ZNF704: variants seen among roughly 807,000 people sequenced by gnomAD.
ZNF704 encodes zinc finger protein 704, also known as glucocorticoid induced gene 1.
ZNF704 carries 10 observed loss-of-function variants against 44.7 expected under a neutral mutation model. The ratio of observed to expected loss-of-function variants is 0.22; its 90% CI spans 0.14 to 0.38. The LOEUF (loss-of-function observed/expected upper bound fraction) is 0.38, where lower values mean the gene tolerates loss of function less well. Ranked by LOEUF, ZNF704 falls within the 10% of genes least tolerant of loss-of-function variation. The probability of loss-of-function intolerance (pLI) is 1.00; values close to 1 mark genes in which losing one functional copy is unlikely to be tolerated. For missense variants in ZNF704, 390 were observed against 545.5 expected (o/e 0.71, Z 2.84); for synonymous variants, 211 against 207.6 (o/e 1.02, Z -0.14).
intron 7 of ZNF704, among the ~76,000 whole-genome samples, chr8:80,647,104 A>G (rs760900766): frequency 2.0e-5 from 3 of 152,276 alleles, no homozygotes; most frequent in Non-Finnish European, 4.4e-5. Context: ...CTGAGGATAT[A>G]GCTGTGAACA....
At chr8:80,743,191 CAAAAAAAAAA>C (rs59886049) in intron 2 of ZNF704, among the ~76,000 whole-genome samples, 1 of 35,824 alleles carries the variant, frequency 2.8e-5, no homozygotes, top group African/African-American at 1.0e-4. Flanking sequence ...CTTGCAACTG[CAAAAAAAAAA>C]AAAAAAAAAA....
At chr8:80,682,944 A>C (rs1393843476) in intron 4 of ZNF704, among the ~76,000 whole-genome samples, 1 of 152,240 alleles carries the variant, frequency 6.6e-6, no homozygotes, top group African/African-American at 2.4e-5. Context: ...CACAGAATCC[A>C]GAATCTGACA....
chr8:80,715,708 G>A (rs899618028), intron 2 of ZNF704, among the ~76,000 whole-genome samples: 1 of 152,146 alleles, frequency 6.6e-6, no homozygotes, highest in African/African-American at 2.4e-5. Flanking sequence ...AATTAAATTA[G>A]AATCTCTGGG....
intron 1 of ZNF704, among the ~76,000 whole-genome samples, chr8:80,841,516 C>A (rs1450266935): frequency 2.0e-5 from 3 of 152,132 alleles, no homozygotes; most frequent in Non-Finnish European, 4.4e-5. Flanking sequence ...ACTGCAATAA[C>A]TTCTCACTTT....
chr8:80,706,185 T>C (rs978520911), intron 2 of ZNF704, among the ~76,000 whole-genome samples: 1 of 152,226 alleles, frequency 6.6e-6, no homozygotes, highest in African/African-American at 2.4e-5. Flanking sequence ...GGGTTAAGTA[T>C]GTTATTGCTT....
At chr8:80,673,932 A>C in intron 4 of ZNF704, among the ~76,000 whole-genome samples, 1 of 152,244 alleles carries the variant, frequency 6.6e-6, no homozygotes, top group East Asian at 1.9e-4. Context: ...CAGCATTCAC[A>C]GCACAGCAAT....
intron 1 of ZNF704, among the ~76,000 whole-genome samples, chr8:80,866,305 T>C (rs1300236598): frequency 6.6e-5 from 10 of 152,174 alleles, no homozygotes. Flanking sequence ...GGCAGGAATG[T>C]GTTAGAATGT....
intron 2 of ZNF704, among the ~76,000 whole-genome samples, chr8:80,732,030 T>C (rs957805113): frequency 1.3e-5 from 2 of 152,196 alleles, no homozygotes; most frequent in Non-Finnish European, 2.9e-5. Context: ...TAAAGACCAA[T>C]TATATGTGCA....
intron 2 of ZNF704, among the ~76,000 whole-genome samples, chr8:80,787,441 A>T (rs1468617235): frequency 6.6e-6 from 1 of 152,230 alleles, no homozygotes; most frequent in African/African-American, 2.4e-5. Flanking sequence ...TTAGGAGATC[A>T]AAGCGCTTCC....
rs902084133 is a variant in ZNF704, at chr8:80,779,935, T to C, written c.221+41439A>G. ...TATTAATATTATAATAATAATAATATACCATGTGAGGTGCCGAAGGCTCAG... is the reference window on the plus strand; with the variant it reads ...TATTAATATTATAATAATAATAATACACCATGTGAGGTGCCGAAGGCTCAG... On this transcript the variant is annotated intron_variant, in intron 2 of 8. Coordinates refer to ENST00000327835, the MANE Select transcript of ZNF704 (RefSeq NM_001033723.3). Among the ~76,000 whole-genome samples the C allele has an allele frequency of 2.6e-5, 4 of 151,396 alleles. No individual in the cohort carries two copies. In the South Asian group the frequency reaches 6.2e-4, roughly 24 times the overall value.
chr8:80,775,985 A>C (rs1005286359), intron 2 of ZNF704, among the ~76,000 whole-genome samples: 5 of 152,176 alleles, frequency 3.3e-5, no homozygotes, highest in African/African-American at 1.2e-4. Flanking sequence ...TATGCACACA[A>C]TTTTTCAAAA....
At chr8:80,786,038 T>C (rs1474862826) in intron 2 of ZNF704, among the ~76,000 whole-genome samples, 5 of 152,186 alleles carry the variant, frequency 3.3e-5, no homozygotes, top group Middle Eastern at 3.4e-3. Context: ...GGCAGGTGGA[T>C]TGCTCAAGCC....
chr8:80,691,658 C>A (rs774524066), intron 3 of ZNF704, among the ~76,000 whole-genome samples: 6 of 152,150 alleles, frequency 3.9e-5, no homozygotes, highest in Non-Finnish European at 7.3e-5. Context: ...ACTCTCATGG[C>A]TTCCAAATGT....
At chr8:80,666,730 T>C (rs1185722339) in intron 5 of ZNF704, among the ~76,000 whole-genome samples, 1 of 151,208 alleles carries the variant, frequency 6.6e-6, no homozygotes, top group Non-Finnish European at 1.5e-5. Flanking sequence ...GATGAGCATT[T>C]TTTCATGTGT....
rs1407858447 is a variant in ZNF704, at chr8:80,639,436, C to T, written c.*1930G>A. ...TTCTGCGTTTAAAAAAATGCCATTT[C>T]CTGGCTGACCTTGTCAGTCTAAAAC... is the stretch of plus-strand genomic sequence containing the variant. On this transcript the variant is annotated 3_prime_UTR_variant, in exon 9 of 9. Coordinates refer to ENST00000327835, the MANE Select transcript of ZNF704 (RefSeq NM_001033723.3). 6.6e-6 allele frequency: 1 copy of T among 152,208 alleles called. No homozygotes were observed. Among genetic ancestry groups the T allele is most frequent in the Non-Finnish European group, 1.5e-5 (1 of 68,048 alleles). 9.4% of individuals were successfully genotyped at this position (152,208 alleles called of 1,614,324 possible). A position where few individuals can be genotyped will look rare whatever the true frequency, so the allele number is the denominator to read the frequency against.
chr8:80,751,204 A>G (rs1346629062), intron 2 of ZNF704, among the ~76,000 whole-genome samples: 1 of 152,182 alleles, frequency 6.6e-6, no homozygotes, highest in Admixed American at 6.5e-5. Context: ...CACACTGGAA[A>G]GACTTCTCAC....
chr8:80,811,251 T>C (rs1199174473), intron 2 of ZNF704, among the ~76,000 whole-genome samples: 1 of 152,232 alleles, frequency 6.6e-6, no homozygotes, highest in Non-Finnish European at 1.5e-5. Flanking sequence ...TAATGACTTT[T>C]TATATTGACA....
At chr8:80,705,574 G>C (rs574269592) in intron 2 of ZNF704, among the ~76,000 whole-genome samples, 1 of 151,210 alleles carries the variant, frequency 6.6e-6, no homozygotes, top group Non-Finnish European at 1.5e-5. Context: ...TGTGTGTTTC[G>C]GTCCTGTGTG....
chr8:80,680,265 A>C (rs756459124), intron 4 of ZNF704, among the ~76,000 whole-genome samples: 1 of 152,164 alleles, frequency 6.6e-6, no homozygotes, highest in Non-Finnish European at 1.5e-5. Flanking sequence ...TGTAAGTCCA[A>C]CTAAAGCTAT....
Sources: gnomAD v4.1 joint callset for allele counts (sites outside exome capture counted in the v4.1 genomes callset) on GRCh38, gnomAD v4.1.1 for gene constraint, MANE v1.5 for transcripts, NCBI Gene and HGNC (gene_info 2026-07-23, HGNC 2026-07-21) for gene names.